CDCA2: variants seen among roughly 807,000 people sequenced by gnomAD.
CDCA2 encodes the protein cell division cycle-associated protein 2.
A neutral mutation model predicts 67.0 loss-of-function variants in CDCA2; 44 were observed. That is an observed-to-expected ratio of 0.66 (90% CI 0.52 to 0.84). The LOEUF (loss-of-function observed/expected upper bound fraction) is 0.84, where lower values mean the gene tolerates loss of function less well. CDCA2 is among the 40% of genes least tolerant of loss of function. The pLI is 0.00. For missense variants in CDCA2, 1,253 were observed against 1,203.2 expected, an observed-to-expected ratio of 1.04 and a Z score of -0.61; for synonymous variants, 447 against 418.7, an observed-to-expected ratio of 1.07 and a Z score of -0.82.
intron 14 of CDCA2, 59 bp from the exon 15 acceptor site, chr8:25,506,451 T>A: frequency 7.1e-7 from 1 of 1,406,724 alleles, no homozygotes; most frequent in Non-Finnish European, 9.5e-7. Flanking sequence ...TTAATAAATG[T>A]AAAGTTCATT....
chr8:25,488,503 A>C, intron 12 of CDCA2, 49 bp from the exon 13 acceptor site: 1 of 1,509,112 alleles, frequency 6.6e-7, no homozygotes, highest in South Asian at 1.4e-5. Context: ...GCACATTAAC[A>C]TGTAATTGCT....
At chr8:25,474,243 G>A (rs145361251) in intron 7 of CDCA2, among the ~76,000 whole-genome samples, 2 of 152,280 alleles carry the variant, frequency 1.3e-5, no homozygotes, top group Non-Finnish European at 2.9e-5. Context: ...AGGGATATTG[G>A]TGTATAATTT....
At chr8:25,494,697 CA>C (rs1804145019) in intron 13 of CDCA2, among the ~76,000 whole-genome samples, 1 of 152,140 alleles carries the variant, frequency 6.6e-6, no homozygotes, top group African/African-American at 2.4e-5. Context: ...TGTCCCTTCC[CA>C]AATTTATATA....
In CDCA2 at chr8:25,469,890, C is replaced by T; in HGVS notation, c.736-6C>T. ...AAATGTAATACTCTTTCAATTTTTC[C>T]CCAAGATATCATCTAAACTTGGTTC... is the stretch of plus-strand genomic sequence containing the variant. On this transcript the variant is annotated splice_polypyrimidine_tract_variant and splice_region_variant and intron_variant, in intron 6 of 14. Coordinates refer to ENST00000330560, the MANE Select transcript of CDCA2 (RefSeq NM_152562.4). The T allele has an allele frequency of 1.3e-6, 2 of 1,591,364 alleles. No homozygotes were observed. The highest frequency in any genetic ancestry group is 8.6e-7 in the Non-Finnish European group (1 of 1,162,790).
chr8:25,481,126 G>C (rs1320413007), intron 8 of CDCA2, among the ~76,000 whole-genome samples: 1 of 151,136 alleles, frequency 6.6e-6, no homozygotes, highest in African/African-American at 2.4e-5. Flanking sequence ...TTTGTTCAAA[G>C]AGCTGATTTG....
chr8:25,468,180 A>T, intron 5 of CDCA2, 37 bp from the exon 6 acceptor site: 4 of 1,062,262 alleles, frequency 3.8e-6, no homozygotes, highest in Non-Finnish European at 5.3e-6. Context: ...GAAAACATTT[A>T]TGCCTGTGTC....
At position 25,507,583 on chromosome 8, in the gene CDCA2, A is replaced by G; in HGVS notation, c.2917A>G (p.Lys973Glu). 1 of 1,614,174 alleles carries G rather than the reference A, an allele frequency of 6.2e-7. No homozygotes were observed. Among genetic ancestry groups the G allele is most frequent in the South Asian group, 1.1e-5 (1 of 91,082 alleles). ...PAAGSSDEPG[K>E]RRKSFCISTL... ...TGCTGGTTCTTCCGATGAACCTGGT[A>G]AGAGGAGGAAGAGCTTTTGTATATC... The change falls in exon 15 of 15, where the codon AAG becomes GAG. Residue 973 changes from lysine (K) to glutamate (E), a missense_variant. Transcript: ENST00000330560.
intron 13 of CDCA2, among the ~76,000 whole-genome samples, chr8:25,501,893 T>C (rs182254664): frequency 1.8e-3 from 276 of 152,028 alleles, no homozygotes; most frequent in African/African-American, 6.5e-3. Flanking sequence ...TGTTTTTGTT[T>C]TTGTTTTGTT....
chr8:25,461,423 G>A (rs1802683552), intron 3 of CDCA2, among the ~76,000 whole-genome samples: 1 of 152,200 alleles, frequency 6.6e-6, no homozygotes, highest in African/African-American at 2.4e-5. Flanking sequence ...ATAGCATTTA[G>A]AATTGGAGGA....
At position 25,506,213 on chromosome 8, in the gene CDCA2, C is replaced by T. The variant is rs139588546; in HGVS notation, c.1844-297C>T. ...CCTCATACTCATGGACCTTGTAGCA[C>T]GGGAAGGGTGTTAGAATGGAGGAAG... On this transcript the variant is annotated intron_variant, in intron 14 of 14. Coordinates refer to ENST00000330560, the MANE Select transcript of CDCA2 (RefSeq NM_152562.4). Among the ~76,000 whole-genome samples, 4 of 152,226 alleles carry T rather than the reference C, an allele frequency of 2.6e-5. No homozygotes were observed. In the East Asian group the frequency reaches 7.7e-4, roughly 29 times the overall value.
intron 7 of CDCA2, chr8:25,479,668 G>A (rs1021490993): frequency 3.9e-6 from 2 of 508,486 alleles, no homozygotes; most frequent in Non-Finnish European, 7.1e-6. Flanking sequence ...ATTTCCTGGG[G>A]AGCCAAATCC....
intron 4 of CDCA2, among the ~76,000 whole-genome samples, chr8:25,462,434 C>G (rs1802732286): frequency 6.7e-6 from 1 of 149,762 alleles, no homozygotes; most frequent in South Asian, 2.1e-4. Flanking sequence ...CGAGACCAGC[C>G]TGGCCAACAT....
At chr8:25,484,619 T>C (rs1469696999) in intron 10 of CDCA2, among the ~76,000 whole-genome samples, 1 of 145,656 alleles carries the variant, frequency 6.9e-6, no homozygotes, top group Non-Finnish European at 1.5e-5. Context: ...TGAGATAGGG[T>C]CTTACTCTGT....
At chr8:25,488,526 T>C (rs1269929958) in intron 12 of CDCA2, 26 bp from the exon 13 acceptor site, 1 of 1,577,398 alleles carries the variant, frequency 6.3e-7, no homozygotes. Flanking sequence ...TGCTTTACGG[T>C]ATCCTACTTT....
rs570755208 is a variant in CDCA2 at position 25,496,402 on chromosome 8, A to G, written c.1672-6971A>G. Among the ~76,000 whole-genome samples, 7 of 152,328 alleles carry G rather than the reference A, an allele frequency of 4.6e-5. No individual in the cohort carries two copies. The South Asian group carries it at 1.4e-3, about 32-fold the overall frequency. On this transcript the variant is annotated intron_variant, in intron 13 of 14. Transcript: ENST00000330560. ...ATAGTTGATGAGGGAAAAGTTGTTT[A>G]TAGAAGAATTTCAGGTAATAAAAGA...
chr8:25,502,395 A>G (rs1804515209), intron 13 of CDCA2, among the ~76,000 whole-genome samples: 1 of 152,182 alleles, frequency 6.6e-6, no homozygotes, highest in Admixed American at 6.5e-5. Flanking sequence ...TACGTTACTC[A>G]GAATTGAATG....
intron 4 of CDCA2, 60 bp from the exon 5 acceptor site, chr8:25,466,115 C>G: frequency 2.7e-6 from 4 of 1,493,574 alleles, no homozygotes; most frequent in Non-Finnish European, 2.7e-6. Context: ...GGCTGTAGGC[C>G]TAGAATATAG....
intron 3 of CDCA2, among the ~76,000 whole-genome samples, chr8:25,461,593 G>A (rs1382392836): frequency 6.6e-6 from 1 of 152,138 alleles, no homozygotes; most frequent in Admixed American, 6.5e-5. Flanking sequence ...CAAAATTCAG[G>A]GTAGTGCTGA....
chr8:25,483,833 T>C, intron 9 of CDCA2, 133 bp from the exon 10 acceptor site: 3 of 793,630 alleles, frequency 3.8e-6, no homozygotes, highest in Non-Finnish European at 5.8e-6. Context: ...ACAATTATTT[T>C]ATAGCTTTGC....
Sources: allele counts gnomAD v4.1 joint callset (sites outside exome capture counted in the v4.1 genomes callset), GRCh38; gene constraint gnomAD v4.1.1; transcripts MANE v1.5; gene names NCBI Gene and HGNC (gene_info 2026-07-23, HGNC 2026-07-21).